The following CYP2C18 variants were observed in gnomAD, a reference collection of about 807,000 sequenced individuals.
CYP2C18 encodes cytochrome P450 2C18.
A neutral mutation model predicts 41.3 loss-of-function variants in CYP2C18; 38 were observed. That is an observed-to-expected ratio of 0.92 (90% confidence interval 0.71 to 1.21). CYP2C18 has a LOEUF of 1.21. Ranked by LOEUF, CYP2C18 falls within the 50% of genes most tolerant of loss-of-function variation. The pLI is 0.00. For missense variants in CYP2C18, 635 were observed against 591.4 expected, an observed-to-expected ratio of 1.07 and a Z score of -0.77; for synonymous variants, 236 against 210.0, an observed-to-expected ratio of 1.12 and a Z score of -1.07.
At chr10:94,726,979 A>G (rs956293428) in intron 7 of CYP2C18, among the ~76,000 whole-genome samples, 1 of 152,142 alleles carries the variant, frequency 6.6e-6, no homozygotes, top group African/African-American at 2.4e-5. Flanking sequence ...ATTGTGCCAT[A>G]TGGAATCCAC....
intron 5 of CYP2C18, among the ~76,000 whole-genome samples, chr10:94,712,089 C>T (rs1243793350): frequency 6.8e-6 from 1 of 146,574 alleles, no homozygotes; most frequent in Non-Finnish European, 1.5e-5. Context: ...CTCAAGCGAT[C>T]CTCCCATCTT....
chr10:94,733,977 G>C (rs1349299638), intron 8 of CYP2C18, among the ~76,000 whole-genome samples: 3 of 152,076 alleles, frequency 2.0e-5, no homozygotes, highest in Non-Finnish European at 4.4e-5. Flanking sequence ...GGGGAGCTCA[G>C]TGGGGGAATC....
intron 5 of CYP2C18, among the ~76,000 whole-genome samples, chr10:94,716,277 G>A (rs547099152): frequency 1.3e-4 from 20 of 152,040 alleles, no homozygotes; most frequent in African/African-American, 4.8e-4. Context: ...GTGATGTTAG[G>A]GTGTCAATTT....
chr10:94,708,987 G>A (rs1372854837), intron 5 of CYP2C18, among the ~76,000 whole-genome samples: 1 of 152,074 alleles, frequency 6.6e-6, no homozygotes, highest in Non-Finnish European at 1.5e-5. Flanking sequence ...TGTTGGTTTT[G>A]ATTGTTTCTG....
chr10:94,730,384 T>G (rs1230246217), intron 7 of CYP2C18, among the ~76,000 whole-genome samples: 1 of 152,204 alleles, frequency 6.6e-6, no homozygotes, highest in Non-Finnish European at 1.5e-5. Flanking sequence ...AATTCATTTC[T>G]CTTTTCAAGG....
intron 4 of CYP2C18, among the ~76,000 whole-genome samples, chr10:94,695,610 C>T (rs1447922965): frequency 6.6e-6 from 1 of 152,118 alleles, no homozygotes; most frequent in Non-Finnish European, 1.5e-5. Context: ...GGGTTCATCT[C>T]ACTAGGCAGT....
chr10:94,698,748 A>T, intron 4 of CYP2C18, among the ~76,000 whole-genome samples: 1 of 152,208 alleles, frequency 6.6e-6, no homozygotes, highest in East Asian at 1.9e-4. Context: ...ACTAATAAAG[A>T]AGAAAAGAGA....
chr10:94,698,954 C>G (rs995488154), intron 4 of CYP2C18, among the ~76,000 whole-genome samples: 1 of 152,112 alleles, frequency 6.6e-6, no homozygotes, highest in Non-Finnish European at 1.5e-5. Flanking sequence ...CTGAATAGAC[C>G]AATAACAGGC....
At chr10:94,704,265 A>G (rs971400247) in intron 4 of CYP2C18, among the ~76,000 whole-genome samples, 7 of 151,540 alleles carry the variant, frequency 4.6e-5, no homozygotes, top group African/African-American at 1.5e-4. Context: ...ATACTCTTAT[A>G]TAGTAGCTCT....
chr10:94,713,453 T>C (rs1589801513), intron 5 of CYP2C18, among the ~76,000 whole-genome samples: 1 of 152,088 alleles, frequency 6.6e-6, no homozygotes, highest in East Asian at 1.9e-4. Flanking sequence ...GTCTTTGTGA[T>C]AGTTTGCTGA....
chr10:94,696,174 A>G (rs1847113442), intron 4 of CYP2C18, among the ~76,000 whole-genome samples: 1 of 152,234 alleles, frequency 6.6e-6, no homozygotes, highest in Non-Finnish European at 1.5e-5. Flanking sequence ...GAGAACGGAC[A>G]GACTGCGTCT....
intron 5 of CYP2C18, among the ~76,000 whole-genome samples, chr10:94,707,849 A>C (rs1283376750): frequency 2.0e-5 from 3 of 152,198 alleles, no homozygotes; most frequent in African/African-American, 7.2e-5. Flanking sequence ...TAATGAGAGC[A>C]GACATTCTCT....
intron 6 of CYP2C18, among the ~76,000 whole-genome samples, chr10:94,722,733 T>C (rs1245885123): frequency 1.3e-5 from 2 of 152,124 alleles, no homozygotes. Context: ...GTTCACTCTC[T>C]AGAGAAACTG....
intron 5 of CYP2C18, among the ~76,000 whole-genome samples, chr10:94,716,529 T>C (rs956252579): frequency 6.6e-6 from 1 of 152,118 alleles, no homozygotes; most frequent in Non-Finnish European, 1.5e-5. Context: ...AGTTTGATTG[T>C]ACTGTGGTCT....
rs751544826 is a variant in CYP2C18 at position 94,683,951 on chromosome 10, G to A, written c.132G>A (p.Gln44=). Residue 44 remains glutamine (Q), a synonymous_variant, in exon 1 of 9, where the codon CAG becomes CAA. Transcript: ENST00000285979. ...TCCCGATTATTGGAAATATCCTGCA[G>A]TTAGATGTTAAGGACATGAGCAAAT... ...TPLPIIGNIL[Q]LDVKDMSKSL... 6.2e-7 allele frequency: 1 copy of A among 1,610,060 alleles called. No homozygotes were observed. The highest frequency in any genetic ancestry group is 2.2e-5 in the East Asian group (1 of 44,778).
At chr10:94,699,291 G>A (rs1242648262) in intron 4 of CYP2C18, among the ~76,000 whole-genome samples, 1 of 152,072 alleles carries the variant, frequency 6.6e-6, no homozygotes, top group Non-Finnish European at 1.5e-5. Context: ...ATGATGAAGT[G>A]GGCTTCATCC....
intron 6 of CYP2C18, among the ~76,000 whole-genome samples, chr10:94,722,411 G>T (rs2134204443): frequency 1.3e-5 from 2 of 152,212 alleles, no homozygotes; most frequent in African/African-American, 4.8e-5. Context: ...ACACTGAAGT[G>T]ATGATAAACA....
intron 5 of CYP2C18, among the ~76,000 whole-genome samples, chr10:94,715,304 T>C (rs1445873818): frequency 1.3e-5 from 2 of 152,202 alleles, no homozygotes; most frequent in Non-Finnish European, 2.9e-5. Flanking sequence ...CAGTATGATA[T>C]TGGCTTTGGG....
rs770051570 is a variant in CYP2C18, at chr10:94,687,880, GT to G, written c.283del (p.Ser95LeufsTer35). On this transcript the variant is annotated frameshift_variant, in exon 2 of 9. Coordinates refer to ENST00000285979, the MANE Select transcript of CYP2C18 (RefSeq NM_000772.3). LOFTEE classifies it high-confidence loss of function. ...AGGCCCTGATTGATCATGGAGAGGA[GT>G]TTTCTGGAAGAGGAAGTTTTCCAGT... The part of the protein sequence containing the change: ...KEALIDHGEE[F>X]SGRGSFPVAE... 1 of 1,613,724 alleles carries G rather than the reference GT, an allele frequency of 6.2e-7. No homozygotes were observed. The highest frequency in any genetic ancestry group is 8.5e-7 in the Non-Finnish European group (1 of 1,179,806).
Sources: allele counts gnomAD v4.1 joint callset (sites outside exome capture counted in the v4.1 genomes callset), GRCh38; gene constraint gnomAD v4.1.1; transcripts MANE v1.5; gene names NCBI Gene and HGNC (gene_info 2026-07-23, HGNC 2026-07-21).